Variants in NIPSNAP2 observed in about 807,000 individuals in gnomAD.
NIPSNAP2 encodes the protein nipsnap homolog 2.
NIPSNAP2 carries 42 observed loss-of-function variants against 48.4 expected under a neutral mutation model. That is an observed-to-expected ratio of 0.87 (90% confidence interval 0.68 to 1.12). The LOEUF (loss-of-function observed/expected upper bound fraction) is 1.12, where lower values mean the gene tolerates loss of function less well. Among genes scored for constraint, NIPSNAP2 ranks in the 50% most tolerant of loss-of-function variants. The pLI is 0.00. For synonymous variants in NIPSNAP2, 158 were observed against 126.6 expected (o/e 1.25, Z -1.67); for missense variants, 314 against 347.3 (o/e 0.90, Z 0.76).
At chr7:55,977,218 C>T (rs764628064) in intron 1 of NIPSNAP2, among the ~76,000 whole-genome samples, 1 of 152,028 alleles carries the variant, frequency 6.6e-6, no homozygotes, top group Middle Eastern at 3.4e-3. Context: ...CAGTGAAACC[C>T]CATCTCTACT....
chr7:55,991,076 C>G (rs1257913386), intron 7 of NIPSNAP2, among the ~76,000 whole-genome samples: 1 of 152,056 alleles, frequency 6.6e-6, no homozygotes, highest in Non-Finnish European at 1.5e-5. Flanking sequence ...CAGGTGTGAG[C>G]CACCGCGCTC....
chr7:55,970,686 A>G (rs144754943), intron 1 of NIPSNAP2, among the ~76,000 whole-genome samples: 455 of 152,124 alleles, frequency 3.0e-3, no homozygotes, highest in Non-Finnish European at 5.0e-3. Flanking sequence ...CCTCGCCCTC[A>G]CGGTCCTCCC....
intron 6 of NIPSNAP2, 82 bp downstream of exon 6, chr7:55,983,950 T>G: frequency 7.8e-7 from 1 of 1,277,214 alleles, no homozygotes; most frequent in Non-Finnish European, 1.1e-6. Flanking sequence ...ACAGAACTTG[T>G]GTGTACATTC....
chr7:55,967,222 GTTGT>G (rs1177091365), intron 1 of NIPSNAP2, among the ~76,000 whole-genome samples: 2 of 152,210 alleles, frequency 1.3e-5, no homozygotes, highest in African/African-American at 4.8e-5. Flanking sequence ...CTTTTCTTTG[GTTGT>G]TCTTCTCCAG....
At chr7:55,995,044 TACTGG>T in intron 8 of NIPSNAP2, 56 bp downstream of exon 8, 1 of 1,396,732 alleles carries the variant, frequency 7.2e-7, no homozygotes, top group East Asian at 2.3e-5. Context: ...TACTAAGTTG[TACTGG>T]GAAGTAGAGC....
intron 7 of NIPSNAP2, among the ~76,000 whole-genome samples, chr7:55,991,652 G>A (rs1300005206): frequency 2.0e-5 from 3 of 151,010 alleles, no homozygotes; most frequent in African/African-American, 7.3e-5. Context: ...GAAGGCTGAG[G>A]CAAGAGAATT....
intron 7 of NIPSNAP2, among the ~76,000 whole-genome samples, chr7:55,989,909 C>G (rs1181822039): frequency 1.3e-5 from 2 of 151,148 alleles, no homozygotes; most frequent in Middle Eastern, 3.4e-3. Flanking sequence ...GAGTTTGACA[C>G]CAGCCTGGCC....
intron 1 of NIPSNAP2, among the ~76,000 whole-genome samples, chr7:55,976,210 T>G (rs1787105517): frequency 6.6e-6 from 1 of 152,248 alleles, no homozygotes; most frequent in African/African-American, 2.4e-5. Flanking sequence ...TGCTGTTCTG[T>G]GCCGGCTTTT....
In NIPSNAP2 at chr7:55,966,077, C is replaced by G. The variant is rs1278763643; in HGVS notation, c.92+1376C>G. Among the ~76,000 whole-genome samples, 3 of 152,152 alleles carry G rather than the reference C, an allele frequency of 2.0e-5. No homozygotes were observed. In the East Asian group the frequency reaches 5.8e-4, roughly 29 times the overall value. On this transcript the variant is annotated intron_variant, in intron 1 of 9. Transcript: ENST00000322090. ...ATAAGGCGTCCAAGGCCATCCGGAG[C>G]TTACCAGTAATTCAGGAGGGCTGGG... is the stretch of plus-strand genomic sequence containing the variant.
intron 7 of NIPSNAP2, among the ~76,000 whole-genome samples, chr7:55,989,942 T>C (rs111676188): frequency 0.056 from 6,518 of 116,134 alleles, 173 homozygotes; most frequent in Admixed American, 0.085. Flanking sequence ...CCCTGTCTAC[T>C]AAAAATCCAA....
At chr7:55,967,901 C>T (rs1405020652) in intron 1 of NIPSNAP2, among the ~76,000 whole-genome samples, 3 of 151,858 alleles carry the variant, frequency 2.0e-5, no homozygotes, top group Non-Finnish European at 4.4e-5. Context: ...CCTCCCACCA[C>T]GGCCTCCCAA....
Position 55,984,810 on chromosome 7 carries a change from A to G in NIPSNAP2, c.586-37A>G, listed in dbSNP as rs766313550. ...GCTATTTCTGTATTTTTTTTTTCAC[A>G]GAAGAACTAACAAACCAAATCTAAA... On this transcript the variant is annotated intron_variant, in intron 6 of 9. Coordinates refer to ENST00000322090, the MANE Select transcript of NIPSNAP2 (RefSeq NM_001483.3). 16 of 1,575,586 alleles carry G rather than the reference A, an allele frequency of 1.0e-5. No individual in the cohort carries two copies. The East Asian group carries it at 3.4e-4, about 33-fold the overall frequency.
chr7:56,000,024 T>C lies in NIPSNAP2; in HGVS notation c.*952T>C, dbSNP rs1201016853. ...TATGCCAATTTTGTGACTGTTACCA[T>C]GTGAAAGTCCTGTTGAAATGAACAA... On this transcript the variant is annotated 3_prime_UTR_variant, in exon 10 of 10. Coordinates refer to ENST00000322090, the MANE Select transcript of NIPSNAP2 (RefSeq NM_001483.3). The C allele has an allele frequency of 1.3e-5, 2 of 152,648 alleles. No homozygotes were observed. The highest frequency in any genetic ancestry group is 2.4e-5 in the African/African-American group (1 of 41,454). 9.5% of individuals were successfully genotyped at this position (152,648 alleles called of 1,614,324 possible).
chr7:55,983,998 T>TATATATGTAC, intron 6 of NIPSNAP2, 130 bp downstream of exon 6: 1 of 672,030 alleles, frequency 1.5e-6, no homozygotes, highest in East Asian at 3.1e-5. Context: ...TATATATGTA[T>TATATATGTAC]TTTTTTAAGA....
At chr7:55,971,019 C>G (rs575234310) in intron 1 of NIPSNAP2, among the ~76,000 whole-genome samples, 4 of 152,284 alleles carry the variant, frequency 2.6e-5, no homozygotes, top group Admixed American at 2.6e-4. Context: ...ATCTTTGTAT[C>G]CATAGAGCCC....
At chr7:55,969,534 A>G (rs1562760856) in intron 1 of NIPSNAP2, among the ~76,000 whole-genome samples, 1 of 152,044 alleles carries the variant, frequency 6.6e-6, no homozygotes, top group African/African-American at 2.4e-5. Flanking sequence ...ACAGCTACCT[A>G]CTTCCTTGTG....
intron 9 of NIPSNAP2, 100 bp downstream of exon 9, chr7:55,997,549 C>A: frequency 1.1e-6 from 1 of 880,762 alleles, no homozygotes. Context: ...TAGTATGTTG[C>A]TAGGATAGTG....
chr7:55,990,875 C>A (rs1787430731), intron 7 of NIPSNAP2, among the ~76,000 whole-genome samples: 1 of 151,324 alleles, frequency 6.6e-6, no homozygotes, highest in African/African-American at 2.4e-5. Context: ...CCAATCTCTG[C>A]CTCCTGGGTT....
intron 1 of NIPSNAP2, among the ~76,000 whole-genome samples, chr7:55,971,637 A>AT (rs1009671258): frequency 2.1e-4 from 31 of 150,266 alleles, no homozygotes; most frequent in South Asian, 8.4e-4. Context: ...TACTCTTTTT[A>AT]TTTTTTTTTG....
Sources: allele counts gnomAD v4.1 joint callset (sites outside exome capture counted in the v4.1 genomes callset), GRCh38; gene constraint gnomAD v4.1.1; transcripts MANE v1.5; gene names NCBI Gene and HGNC (gene_info 2026-07-23, HGNC 2026-07-21).